The following DDR2 variants were observed in gnomAD, a reference collection of about 807,000 sequenced individuals.
DDR2 encodes the protein discoidin domain-containing receptor 2.
DDR2 carries 27 observed loss-of-function variants against 94.9 expected under a neutral mutation model. The ratio of observed to expected loss-of-function variants is 0.28; its 90% CI spans 0.21 to 0.39. The LOEUF is 0.39. DDR2 is among the 10% of genes least tolerant of loss of function. The pLI is 1.00. For missense variants in DDR2, 783 were observed against 1,076.0 expected, an observed-to-expected ratio of 0.73 and a Z score of 3.81; for synonymous variants, 382 against 377.2, an observed-to-expected ratio of 1.01 and a Z score of -0.15.
At chr1:162,733,182 AGAACAAAG>A (rs1452945387) in intron 3 of DDR2, among the ~76,000 whole-genome samples, 1 of 152,252 alleles carries the variant, frequency 6.6e-6, no homozygotes, top group African/African-American at 2.4e-5. Context: ...AGTTCATGAT[AGAACAAAG>A]ACAGACTGGT....
At chr1:162,750,735 A>T (rs956962731) in intron 3 of DDR2, among the ~76,000 whole-genome samples, 11 of 152,212 alleles carry the variant, frequency 7.2e-5, no homozygotes, top group African/African-American at 2.2e-4. Flanking sequence ...ACACTACTTG[A>T]CTTCAAACTA....
At chr1:162,727,789 C>T (rs1661770617) in intron 3 of DDR2, among the ~76,000 whole-genome samples, 1 of 147,924 alleles carries the variant, frequency 6.8e-6, no homozygotes, top group South Asian at 2.1e-4. Flanking sequence ...TCATCACCTC[C>T]CACTTAGGCT....
At chr1:162,676,935 T>A (rs1659157331) in intron 2 of DDR2, among the ~76,000 whole-genome samples, 2 of 152,160 alleles carry the variant, frequency 1.3e-5, no homozygotes, top group African/African-American at 2.4e-5. Flanking sequence ...TCTATTTTCT[T>A]TATAGTGGAA....
intron 3 of DDR2, among the ~76,000 whole-genome samples, chr1:162,736,727 A>G (rs1662316832): frequency 6.6e-6 from 1 of 152,226 alleles, no homozygotes; most frequent in African/African-American, 2.4e-5. Flanking sequence ...TGCGAAGTGC[A>G]TCCAGATTTC....
At position 162,753,169 on chromosome 1, in the gene DDR2, T is replaced by G; in HGVS notation, c.157T>G (p.Ser53Ala). ...DEDITASSQW[S>A]ESTAAKYGRL... ...GGACATCACAGCTTCCAGTCAGTGG[T>G]CAGAGTCCACAGCTGCCAAATATGG... Residue 53 changes from serine to alanine, a missense_variant, in exon 4 of 18, where the codon TCA becomes GCA. Physicochemically the swap from Ser to Ala is moderately conservative, Grantham distance 99. Coordinates refer to ENST00000367921, the MANE Select transcript of DDR2 (RefSeq NM_006182.4). 6.2e-7 allele frequency: 1 copy of G among 1,613,568 alleles called. No homozygotes were observed. The highest frequency in any genetic ancestry group is 8.5e-7 in the Non-Finnish European group (1 of 1,179,652).
intron 3 of DDR2, among the ~76,000 whole-genome samples, chr1:162,726,927 C>T (rs1365404069): frequency 6.6e-6 from 1 of 151,006 alleles, no homozygotes; most frequent in African/African-American, 2.4e-5. Flanking sequence ...GGGCTTCAAG[C>T]CCATAAGATC....
intron 3 of DDR2, among the ~76,000 whole-genome samples, chr1:162,737,144 AT>A (rs1294934701): frequency 4.1e-4 from 33 of 81,458 alleles, no homozygotes; most frequent in Middle Eastern, 5.7e-3. Context: ...TTTTTTATTT[AT>A]TTTTTTTGGA....
At position 162,786,136 on chromosome 1, in the gene DDR2, A is replaced by C. The variant is rs1648139316; in HGVS notation, c.*5890A>C. On this transcript the variant is annotated 3_prime_UTR_variant, in exon 18 of 18. Coordinates refer to ENST00000367921, the MANE Select transcript of DDR2 (RefSeq NM_006182.4). ...ATAAGGTAATCACTTTCAGTGAAAA[A>C]CTGTTTTCTTGAAAACAGGCTTGGA... 1 of 152,166 alleles carries C rather than the reference A, an allele frequency of 6.6e-6. No homozygotes were observed. Among genetic ancestry groups the C allele is most frequent in the South Asian group, 2.1e-4 (1 of 4,822 alleles). The allele number at this position is 152,166 out of a possible 1,614,324, so 9.4% of individuals were successfully genotyped here.
intron 1 of DDR2, among the ~76,000 whole-genome samples, chr1:162,634,142 TG>T (rs1275256615): frequency 2.0e-5 from 3 of 152,194 alleles, no homozygotes; most frequent in Non-Finnish European, 4.4e-5. Context: ...GGGAGCAGTA[TG>T]GATTCTCTCT....
intron 1 of DDR2, among the ~76,000 whole-genome samples, chr1:162,645,324 T>C (rs530086470): frequency 6.6e-6 from 1 of 152,338 alleles, no homozygotes; most frequent in African/African-American, 2.4e-5. Context: ...ATTAGGATCT[T>C]ATTAAAATAT....
intron 1 of DDR2, among the ~76,000 whole-genome samples, chr1:162,643,180 C>A (rs912631375): frequency 2.0e-5 from 3 of 152,032 alleles, no homozygotes; most frequent in Admixed American, 6.6e-5. Context: ...CTTCTTCTGC[C>A]CCTCTCCTAG....
rs544323785 is a variant in DDR2, at chr1:162,701,836, G to A, written c.-27-17201G>A. On this transcript the variant is annotated intron_variant, in intron 2 of 17. Transcript: ENST00000367921. Reference sequence around the variant, plus strand: ...TCATGACTGGAGTTCTGTTGTATGAGCTGAATCCTTTTATTTCAGAATAGG... The same window carrying A: ...TCATGACTGGAGTTCTGTTGTATGAACTGAATCCTTTTATTTCAGAATAGG... Among the ~76,000 whole-genome samples the A allele has an allele frequency of 3.9e-5, 6 of 152,288 alleles. No homozygotes were observed. The South Asian group carries it at 1.2e-3, about 32-fold the overall frequency.
chr1:162,694,829 C>A (rs1051618003), intron 2 of DDR2, among the ~76,000 whole-genome samples: 2 of 152,156 alleles, frequency 1.3e-5, no homozygotes, highest in Non-Finnish European at 2.9e-5. Flanking sequence ...AGCAGACTAG[C>A]TTTGTGTTTG....
chr1:162,671,973 G>T (rs1372429895), intron 2 of DDR2, among the ~76,000 whole-genome samples: 2 of 152,150 alleles, frequency 1.3e-5, no homozygotes, highest in Admixed American at 6.5e-5. Flanking sequence ...TGGTCAGACT[G>T]TCTTGGTCAC....
chr1:162,661,255 CA>C (rs1275386148), intron 2 of DDR2, among the ~76,000 whole-genome samples: 2 of 152,156 alleles, frequency 1.3e-5, no homozygotes, highest in African/African-American at 4.8e-5. Flanking sequence ...AAATTGATTT[CA>C]TTAATTGTTC....
At chr1:162,698,079 T>C (rs1286712965) in intron 2 of DDR2, among the ~76,000 whole-genome samples, 1 of 152,248 alleles carries the variant, frequency 6.6e-6, no homozygotes, top group African/African-American at 2.4e-5. Context: ...TGGTCACTAA[T>C]GTCTGCAGTT....
At chr1:162,778,332 G>A (rs1162418411) in intron 16 of DDR2, among the ~76,000 whole-genome samples, 1 of 152,152 alleles carries the variant, frequency 6.6e-6, no homozygotes, top group Non-Finnish European at 1.5e-5. Flanking sequence ...ACACTCAGTT[G>A]CAGAGTCAAA....
intron 7 of DDR2, among the ~76,000 whole-genome samples, chr1:162,759,089 T>A (rs1663594846): frequency 6.6e-6 from 1 of 152,168 alleles, no homozygotes; most frequent in Non-Finnish European, 1.5e-5. Flanking sequence ...CAAAACTAAA[T>A]CCAATACCTG....
At chr1:162,667,515 G>A (rs1222825634) in intron 2 of DDR2, among the ~76,000 whole-genome samples, 1 of 152,080 alleles carries the variant, frequency 6.6e-6, no homozygotes, top group Non-Finnish European at 1.5e-5. Flanking sequence ...CAGGGAGCAG[G>A]CAGTCACACT....
Sources: gnomAD v4.1 joint callset for allele counts (sites outside exome capture counted in the v4.1 genomes callset) on GRCh38, gnomAD v4.1.1 for gene constraint, MANE v1.5 for transcripts, NCBI Gene and HGNC (gene_info 2026-07-23, HGNC 2026-07-21) for gene names.